HIP1: variants seen among roughly 807,000 people sequenced by gnomAD.
HIP1 encodes huntingtin-interacting protein 1.
In HIP1, 65 loss-of-function variants were observed where a neutral mutation model predicts 147.6. The ratio of observed to expected loss-of-function variants is 0.44; its 90% CI spans 0.36 to 0.54. The LOEUF is 0.54. Ranked by LOEUF, HIP1 falls within the 20% of genes least tolerant of loss-of-function variation. The probability of loss-of-function intolerance (pLI) is 0.00; values close to 1 mark genes in which losing one functional copy is unlikely to be tolerated. For synonymous variants in HIP1, 479 were observed against 504.0 expected (o/e 0.95, Z 0.67); for missense variants, 1,061 against 1,299.6 (o/e 0.82, Z 2.82).
intron 1 of HIP1, 72 bp downstream of exon 1, chr7:75,738,729 C>T: frequency 2.0e-6 from 3 of 1,528,116 alleles, no homozygotes; most frequent in Non-Finnish European, 2.7e-6. Flanking sequence ...ACTCCTACTC[C>T]CTTCAAAGCC....
intron 1 of HIP1, among the ~76,000 whole-genome samples, chr7:75,657,331 G>A (rs1036049040): frequency 1.1e-4 from 17 of 152,094 alleles, no homozygotes; most frequent in Non-Finnish European, 2.5e-4. Flanking sequence ...AGGAGTTCGA[G>A]ACCAGCCTGG....
chr7:75,540,960 G>C (rs1216330694), intron 29 of HIP1, among the ~76,000 whole-genome samples: 1 of 152,118 alleles, frequency 6.6e-6, no homozygotes, highest in Admixed American at 6.6e-5. Context: ...AGAATAGTGG[G>C]CAAGAGTTAA....
intron 1 of HIP1, among the ~76,000 whole-genome samples, chr7:75,618,883 A>T (rs1296426404): frequency 6.6e-6 from 1 of 150,684 alleles, no homozygotes; most frequent in Non-Finnish European, 1.5e-5. Flanking sequence ...TTTTGTAGAG[A>T]TGGGGTTTCA....
chr7:75,722,939 G>A (rs1323028646), intron 1 of HIP1, among the ~76,000 whole-genome samples: 1 of 152,114 alleles, frequency 6.6e-6, no homozygotes, highest in Non-Finnish European at 1.5e-5. Context: ...GCCACGACAA[G>A]CACCAATGAA....
chr7:75,622,859 A>G (rs1797893386), intron 1 of HIP1, among the ~76,000 whole-genome samples: 1 of 111,920 alleles, frequency 8.9e-6, no homozygotes, highest in Non-Finnish European at 1.7e-5. Flanking sequence ...TTATCTATCT[A>G]TCTATCTATC....
intron 1 of HIP1, among the ~76,000 whole-genome samples, chr7:75,731,258 G>A (rs527777082): frequency 4.0e-5 from 6 of 151,700 alleles, no homozygotes; most frequent in East Asian, 4.0e-4. Context: ...CAAGGTGGGC[G>A]GATCACTTGA....
chr7:75,544,869 C>T (rs1554490663), intron 26 of HIP1, 69 bp from the exon 27 acceptor site: 3 of 996,360 alleles, frequency 3.0e-6, no homozygotes, highest in Non-Finnish European at 4.8e-6. Flanking sequence ...AATCCCACCT[C>T]CAGACCACCC....
intron 1 of HIP1, among the ~76,000 whole-genome samples, chr7:75,734,759 T>G (rs1215645374): frequency 6.6e-6 from 1 of 152,180 alleles, no homozygotes; most frequent in East Asian, 1.9e-4. Flanking sequence ...GCTGGGAAGT[T>G]TATCTGCCTA....
At chr7:75,539,282 T>TC in intron 30 of HIP1, 41 bp downstream of exon 30, 1 of 1,455,490 alleles carries the variant, frequency 6.9e-7, no homozygotes, top group South Asian at 1.1e-5. Context: ...CAGCTTCCCC[T>TC]CCCTGCTGCG....
chr7:75,718,796 C>T (rs573761675), intron 1 of HIP1, among the ~76,000 whole-genome samples: 51 of 152,254 alleles, frequency 3.3e-4, no homozygotes, highest in African/African-American at 1.1e-3. Flanking sequence ...TCAACAAAGG[C>T]GGGTCACAGT....
intron 1 of HIP1, among the ~76,000 whole-genome samples, chr7:75,710,090 G>T (rs1801125651): frequency 6.6e-6 from 1 of 151,990 alleles, no homozygotes; most frequent in Non-Finnish European, 1.5e-5. Context: ...TAGAGATGGG[G>T]TTTTGCCATG....
intron 1 of HIP1, among the ~76,000 whole-genome samples, chr7:75,632,854 C>T (rs587662579): frequency 6.6e-6 from 1 of 152,282 alleles, no homozygotes; most frequent in African/African-American, 2.4e-5. Context: ...ATGTCCTTTG[C>T]AGGGACATGG....
intron 1 of HIP1, among the ~76,000 whole-genome samples, chr7:75,674,561 C>T (rs1443505934): frequency 2.7e-5 from 4 of 150,408 alleles, no homozygotes; most frequent in African/African-American, 7.3e-5. Flanking sequence ...GGCACAATCT[C>T]GGCTCACTGA....
chr7:75,731,457 T>C (rs571542936), intron 1 of HIP1, among the ~76,000 whole-genome samples: 1 of 113,614 alleles, frequency 8.8e-6, no homozygotes, highest in East Asian at 3.0e-4. Context: ...CACTCCAGCC[T>C]GGGTGACAGA....
chr7:75,620,517 C>A (rs1244668181), intron 1 of HIP1, among the ~76,000 whole-genome samples: 1 of 151,746 alleles, frequency 6.6e-6, no homozygotes, highest in Non-Finnish European at 1.5e-5. Flanking sequence ...TGAAACCAGT[C>A]TCTACTGAAA....
chr7:75,536,436 T>C lies in HIP1; in HGVS notation c.*1736A>G, dbSNP rs1384337844. ...CATGTAGCAAAACCTAGCAATATTC[T>C]GTTGGAGCAGATCCTGGGAAGTGCT... On this transcript the variant is annotated 3_prime_UTR_variant, in exon 31 of 31. Coordinates refer to ENST00000336926, the MANE Select transcript of HIP1 (RefSeq NM_005338.7). 1 of 227,752 alleles carries C rather than the reference T, an allele frequency of 4.4e-6. No homozygotes were observed. The highest frequency in any genetic ancestry group is 2.2e-5 in the African/African-American group (1 of 44,930). 14.1% of individuals were successfully genotyped at this position (227,752 alleles called of 1,614,324 possible). A position where few individuals can be genotyped will look rare whatever the true frequency, so the allele number is the denominator to read the frequency against.
intron 1 of HIP1, among the ~76,000 whole-genome samples, chr7:75,601,630 AAAAG>A (rs1251618631): frequency 1.3e-4 from 20 of 152,044 alleles, no homozygotes; most frequent in Admixed American, 2.0e-4. Flanking sequence ...AAAAAAAAGA[AAAAG>A]AAAGAAAGAA....
chr7:75,596,019 T>A (rs887956776), intron 2 of HIP1, among the ~76,000 whole-genome samples: 1 of 152,136 alleles, frequency 6.6e-6, no homozygotes, highest in Non-Finnish European at 1.5e-5. Context: ...GGAGGACTGC[T>A]TGAGCCTAGC....
intron 5 of HIP1, among the ~76,000 whole-genome samples, chr7:75,583,567 G>A (rs1297374672): frequency 1.3e-5 from 2 of 151,904 alleles, no homozygotes; most frequent in Non-Finnish European, 2.9e-5. Context: ...AGAGGAGGGG[G>A]AAACCAGCTC....
Sources: allele counts gnomAD v4.1 joint callset (sites outside exome capture counted in the v4.1 genomes callset), GRCh38; gene constraint gnomAD v4.1.1; transcripts MANE v1.5; gene names NCBI Gene and HGNC (gene_info 2026-07-23, HGNC 2026-07-21).